Variants in SUMF1 observed in about 807,000 individuals in gnomAD.
SUMF1 encodes sulfatase modifying factor 1.
SUMF1 carries 48 observed loss-of-function variants against 47.6 expected under a neutral mutation model. The observed-to-expected ratio is 1.01, with a 90% CI of 0.80 to 1.28. The LOEUF (loss-of-function observed/expected upper bound fraction) is 1.28. SUMF1 is among the 50% of genes most tolerant of loss of function. The probability of loss-of-function intolerance (pLI) is 0.00; values close to 1 mark genes in which losing one functional copy is unlikely to be tolerated. For missense variants in SUMF1, 571 were observed against 485.4 expected, an observed-to-expected ratio of 1.18 and a Z score of -1.66; for synonymous variants, 230 against 192.1, an observed-to-expected ratio of 1.20 and a Z score of -1.63.
At chr3:4,077,140 A>G (rs1162944745) in intron 8 of SUMF1, among the ~76,000 whole-genome samples, 2 of 152,190 alleles carry the variant, frequency 1.3e-5, no homozygotes, top group Non-Finnish European at 2.9e-5. Flanking sequence ...GGTGATCGTT[A>G]AAAAGTCAGG....
intron 8 of SUMF1, among the ~76,000 whole-genome samples, chr3:4,182,688 A>G (rs1256797908): frequency 6.6e-6 from 1 of 152,124 alleles, no homozygotes; most frequent in Non-Finnish European, 1.5e-5. Flanking sequence ...AATTTCAGGC[A>G]TGATGGCAGG....
chr3:4,295,802 T>C, intron 8 of SUMF1, among the ~76,000 whole-genome samples: 1 of 152,244 alleles, frequency 6.6e-6, no homozygotes, highest in East Asian at 1.9e-4. Flanking sequence ...CAATCCTGGA[T>C]ATTACTTCAC....
chr3:4,166,959 C>T (rs1694721183), intron 8 of SUMF1, among the ~76,000 whole-genome samples: 1 of 152,078 alleles, frequency 6.6e-6, no homozygotes, highest in Non-Finnish European at 1.5e-5. Context: ...TCACTTTTAA[C>T]TGGCCAACAG....
intron 7 of SUMF1, 84 bp downstream of exon 7, chr3:4,410,781 G>T: frequency 8.2e-7 from 1 of 1,218,128 alleles, no homozygotes; most frequent in South Asian, 1.2e-5. Flanking sequence ...AATACCCCTC[G>T]GAAACACATG....
Position 4,417,231 on chromosome 3 carries a change from CA to C in SUMF1, c.736del (p.Trp246GlyfsTer22). The C allele has an allele frequency of 6.2e-7, 1 of 1,613,852 alleles. No homozygotes were observed. Among genetic ancestry groups the C allele is most frequent in the Non-Finnish European group, 8.5e-7 (1 of 1,179,882 alleles). Reference sequence around the variant, plus strand: ...GCCTTTGGGCTGCAGTTTGTTGCCCCAGGGGAAAAGTCTGTCAGAAGAGACA... The same window carrying C: ...GCCTTTGGGCTGCAGTTTGTTGCCCCGGGGAAAAGTCTGTCAGAAGAGACA... The part of the protein sequence containing the change: ...RGGLHNRLFP[W>X]GNKLQPKGQH... On this transcript the variant is annotated frameshift_variant, in exon 6 of 9. Coordinates refer to ENST00000272902, the MANE Select transcript of SUMF1 (RefSeq NM_182760.4). LOFTEE classifies it high-confidence loss of function.
chr3:4,431,976 T>C (rs559219258), intron 3 of SUMF1, among the ~76,000 whole-genome samples: 79 of 152,138 alleles, frequency 5.2e-4, no homozygotes, highest in Non-Finnish European at 9.6e-4. Context: ...GTCCCTGTCA[T>C]GTTCAGATCA....
rs371486735 is a variant in SUMF1, at chr3:4,161,386, G to T, written c.1015-92641C>A. Among the ~76,000 whole-genome samples the T allele has an allele frequency of 9.2e-5, 14 of 152,260 alleles. 2 individuals carry two copies. Among genetic ancestry groups the T allele is most frequent in the Admixed American group, 6.5e-5 (1 of 15,294 alleles). On this transcript the variant is annotated intron_variant and NMD_transcript_variant, in intron 8 of 12. Transcript: ENST00000448413. ...GCAAGGCTTGTGTCCTTCCTTTCAGGTCAGTGAGTTCTCCCAGGCCCTCGG... is the reference window on the plus strand; with the variant it reads ...GCAAGGCTTGTGTCCTTCCTTTCAGTTCAGTGAGTTCTCCCAGGCCCTCGG...
chr3:4,321,377 G>A (rs1050960411), intron 8 of SUMF1, among the ~76,000 whole-genome samples: 3 of 149,204 alleles, frequency 2.0e-5, no homozygotes, highest in Non-Finnish European at 4.4e-5. Flanking sequence ...AAAAAACAGG[G>A]TTCTTTGGAG....
intron 9 of SUMF1, among the ~76,000 whole-genome samples, chr3:4,043,473 A>G (rs1033681567): frequency 1.3e-5 from 2 of 151,964 alleles, no homozygotes; most frequent in South Asian, 2.1e-4. Flanking sequence ...CCTGTCCCCA[A>G]TTCCTCTCTC....
chr3:4,466,978 T>C lies in SUMF1; in HGVS notation c.268A>G (p.Lys90Glu), dbSNP rs747024724. Residue 90 changes from lysine (K) to glutamate (E), a missense_variant and splice_region_variant, in exon 1 of 9, where the codon AAG becomes GAG. Lys to Glu is a moderately conservative substitution (Grantham distance 56). Transcript: ENST00000272902. The part of the protein sequence containing the change: ...VPGERQLAHS[K>E]MVPIPAGVFT... Reference sequence around the variant, plus strand: ...CCTCGGAGGAATCGATGGAGCACCTTTGAGTGCGCGAGTTGCCGCTCTCCG... The same window carrying C: ...CCTCGGAGGAATCGATGGAGCACCTCTGAGTGCGCGAGTTGCCGCTCTCCG... 79 of 1,604,496 alleles carry C rather than the reference T, an allele frequency of 4.9e-5. No homozygotes were observed. Among genetic ancestry groups the C allele is most frequent in the South Asian group, 4.5e-4 (40 of 89,654 alleles).
In SUMF1 at chr3:4,361,482, A is replaced by AC. The variant is rs1293630294; in HGVS notation, c.*661dup. The stretch of plus-strand genomic sequence containing the variant: ...AACGGCTGAACTTCAGCATACCATC[A>AC]CCGGCCCCATGTGGGATTCATCATA... On this transcript the variant is annotated 3_prime_UTR_variant, in exon 9 of 9. Transcript: ENST00000272902. 4 of 154,744 alleles carry AC rather than the reference A, an allele frequency of 2.6e-5. No homozygotes were observed. Among genetic ancestry groups the AC allele is most frequent in the African/African-American group, 9.7e-5 (4 of 41,438 alleles). 9.6% of individuals were successfully genotyped at this position (154,744 alleles called of 1,614,324 possible).
At chr3:4,056,352 A>C (rs1050785429) in intron 9 of SUMF1, among the ~76,000 whole-genome samples, 2 of 152,158 alleles carry the variant, frequency 1.3e-5, no homozygotes, top group African/African-American at 4.8e-5. Context: ...GTATGAAATA[A>C]ATCCCAAAAT....
intron 8 of SUMF1, among the ~76,000 whole-genome samples, chr3:4,225,587 C>G (rs1457867325): frequency 6.6e-6 from 1 of 152,124 alleles, no homozygotes; most frequent in Non-Finnish European, 1.5e-5. Context: ...AGACAAACAG[C>G]ACTGGTGAAT....
chr3:4,258,372 G>A (rs1294091348), intron 8 of SUMF1, among the ~76,000 whole-genome samples: 2 of 143,334 alleles, frequency 1.4e-5, no homozygotes, highest in South Asian at 4.4e-4. Flanking sequence ...ATCTGACAAA[G>A]GGCTAATATC....
chr3:4,230,781 G>A (rs1259117369), intron 8 of SUMF1, among the ~76,000 whole-genome samples: 1 of 151,986 alleles, frequency 6.6e-6, no homozygotes, highest in Non-Finnish European at 1.5e-5. Context: ...CTGTCTGGGG[G>A]CCTCCAGCCA....
intron 3 of SUMF1, among the ~76,000 whole-genome samples, chr3:4,436,755 A>C (rs531785988): frequency 6.6e-6 from 1 of 152,112 alleles, no homozygotes; most frequent in Admixed American, 6.5e-5. Flanking sequence ...AGATCCTGGA[A>C]ACCCAGTGAA....
At chr3:4,405,123 T>C (rs1701334439) in intron 7 of SUMF1, among the ~76,000 whole-genome samples, 1 of 152,162 alleles carries the variant, frequency 6.6e-6, no homozygotes, top group Non-Finnish European at 1.5e-5. Context: ...GTGTGGAGTT[T>C]AGAGGATCTA....
At chr3:4,172,407 A>C (rs1422766242) in intron 8 of SUMF1, among the ~76,000 whole-genome samples, 1 of 152,038 alleles carries the variant, frequency 6.6e-6, no homozygotes, top group Admixed American at 6.5e-5. Flanking sequence ...TTCACTAAAA[A>C]CTAGGACCTA....
At chr3:4,122,586 T>G (rs1328387224) in intron 8 of SUMF1, among the ~76,000 whole-genome samples, 1 of 152,152 alleles carries the variant, frequency 6.6e-6, no homozygotes, top group East Asian at 1.9e-4. Context: ...AAAAAACTCA[T>G]GTCCACTGAT....
Sources: allele counts gnomAD v4.1 joint callset (sites outside exome capture counted in the v4.1 genomes callset), GRCh38; gene constraint gnomAD v4.1.1; transcripts MANE v1.5; gene names NCBI Gene and HGNC (gene_info 2026-07-23, HGNC 2026-07-21).